FAT3: variants seen among roughly 807,000 people sequenced by gnomAD.
The protein encoded by FAT3 is protocadherin Fat 3.
Under a neutral mutation model 310.2 loss-of-function variants are expected in FAT3, and 95 were observed. That is an observed-to-expected ratio of 0.31 (90% CI 0.26 to 0.36). The LOEUF (loss-of-function observed/expected upper bound fraction) is 0.36, where lower values mean the gene tolerates loss of function less well. FAT3 is among the 10% of genes least tolerant of loss of function. The pLI is 1.00. For missense variants in FAT3, 5,408 were observed against 5,715.6 expected, an observed-to-expected ratio of 0.95 and a Z score of 1.74; for synonymous variants, 2,314 against 2,192.9, an observed-to-expected ratio of 1.06 and a Z score of -1.54.
At chr11:92,841,654 T>A (rs536404927) in intron 18 of FAT3, among the ~76,000 whole-genome samples, 1 of 152,318 alleles carries the variant, frequency 6.6e-6, no homozygotes, top group African/African-American at 2.4e-5. Context: ...TTCAGTGCCT[T>A]CTCACAGAAA....
At position 92,894,999 on chromosome 11, in the gene FAT3, G is replaced by A. The variant is rs1271687848; in HGVS notation, c.*3886G>A. The A allele has an allele frequency of 6.6e-6, 1 of 152,124 alleles. No individual in the cohort carries two copies. The highest frequency in any genetic ancestry group is 2.4e-5 in the African/African-American group (1 of 41,416). The allele number at this position is 152,124 out of a possible 1,614,324, so 9.4% of individuals were successfully genotyped here. ...ATCAAAGTCAGGGGAATTGAGAAAA[G>A]AGATTATCAAAATAAATTATTAAAA... On this transcript the variant is annotated 3_prime_UTR_variant, in exon 28 of 28. Transcript: ENST00000525166.
chr11:92,764,148 T>C (rs1329353601), intron 5 of FAT3, among the ~76,000 whole-genome samples: 1 of 152,092 alleles, frequency 6.6e-6, no homozygotes, highest in Non-Finnish European at 1.5e-5. Flanking sequence ...GGAGACTTGC[T>C]TCCTCAGCCC....
In FAT3 at chr11:92,566,769, G is replaced by C. The variant is rs1415422992; in HGVS notation, c.3607+41821G>C. Among the ~76,000 whole-genome samples the C allele has an allele frequency of 2.0e-5, 3 of 152,020 alleles. No homozygotes were observed. The East Asian group carries it at 5.8e-4, about 29-fold the overall frequency. On this transcript the variant is annotated intron_variant, in intron 3 of 27. Transcript: ENST00000525166. ...ACTATCTGATCTTTGACAAACCTGA[G>C]AAAAACAAGCAATGGGAAAGGATTC...
intron 14 of FAT3, 134 bp downstream of exon 14, chr11:92,832,145 A>G: frequency 4.1e-6 from 4 of 986,488 alleles, no homozygotes; most frequent in Non-Finnish European, 5.8e-6. Context: ...AGCCTGGACA[A>G]CAGAGTGAGA....
intron 2 of FAT3, among the ~76,000 whole-genome samples, chr11:92,436,230 CAT>C (rs1474749535): frequency 6.6e-6 from 1 of 152,130 alleles, no homozygotes; most frequent in Non-Finnish European, 1.5e-5. Flanking sequence ...GCCTTGACCT[CAT>C]GGGCTCAATC....
intron 1 of FAT3, among the ~76,000 whole-genome samples, chr11:92,319,023 C>T (rs1463328488): frequency 1.3e-5 from 2 of 152,098 alleles, no homozygotes; most frequent in Non-Finnish European, 2.9e-5. Context: ...GGAACCTTCT[C>T]GTGGGAGAGC....
chr11:92,805,361 G>C lies in FAT3; in HGVS notation c.9093+12G>C, dbSNP rs749663812. ...CAGTGTGTGATCAGGTGAGATTTGGGGATAGGGTTCTGCTTTTACTCTGCT... is the reference window on the plus strand; with the variant it reads ...CAGTGTGTGATCAGGTGAGATTTGGCGATAGGGTTCTGCTTTTACTCTGCT... On this transcript the variant is annotated intron_variant, in intron 11 of 27. Transcript: ENST00000525166. 5 of 1,606,874 alleles carry C rather than the reference G, an allele frequency of 3.1e-6. No individual in the cohort carries two copies. The highest frequency in any genetic ancestry group is 4.3e-6 in the Non-Finnish European group (5 of 1,175,676).
intron 4 of FAT3, among the ~76,000 whole-genome samples, chr11:92,699,712 T>TC (rs1165645653): frequency 1.3e-5 from 2 of 152,212 alleles, no homozygotes; most frequent in Non-Finnish European, 2.9e-5. Flanking sequence ...GTATCTGGTA[T>TC]CATCTGCAGA....
At chr11:92,381,318 A>G (rs1326833505) in intron 2 of FAT3, among the ~76,000 whole-genome samples, 1 of 152,146 alleles carries the variant, frequency 6.6e-6, no homozygotes, top group African/African-American at 2.4e-5. Context: ...GTTTGAGTCT[A>G]GCCTAGCCAA....
rs573856198 is a variant in FAT3 at position 92,770,690 on chromosome 11, G to C, written c.4196-3351G>C. 3.1e-4 allele frequency among the ~76,000 whole-genome samples: 47 copies of C among 152,208 alleles called. No individual in the cohort carries two copies. In the South Asian group the frequency reaches 5.6e-3, roughly 18 times the overall value. ...TGGAAAAGAATCATATGCTAGGGGA[G>C]GGACCTGGAAGCTCTCTAAAGGGGA... On this transcript the variant is annotated intron_variant, in intron 6 of 27. Coordinates refer to ENST00000525166, the MANE Select transcript of FAT3 (RefSeq NM_001367949.2).
chr11:92,514,633 A>G (rs1953414678), intron 2 of FAT3, among the ~76,000 whole-genome samples: 1 of 152,136 alleles, frequency 6.6e-6, no homozygotes, highest in African/African-American at 2.4e-5. Context: ...CCCACTCAGC[A>G]TGCACTTATG....
In FAT3 at chr11:92,800,946, G is replaced by A; in HGVS notation, c.7933G>A (p.Val2645Ile). The change falls in exon 10 of 28, where the codon GTT becomes ATT. Residue 2645 changes from valine (V) to isoleucine (I), a missense_variant. By Grantham distance (29) the Val-to-Ile change is conservative. Around this residue, in one of 5 missense-constraint regions of FAT3, gnomAD observed 4,588 missense variants for 4,809.8 expected, o/e 0.95. Transcript: ENST00000525166. ...TTATTCCCTCTATAGCGAGGCCTCT[G>A]TTTCAGTGGCCGACCTCCTGGAAAT... is the stretch of plus-strand genomic sequence containing the variant. Reference protein sequence around the residue: ...ITYSLYSEASVSVADLLEIDP... With the variant: ...ITYSLYSEASISVADLLEIDP... The A allele has an allele frequency of 6.2e-7, 1 of 1,613,040 alleles. No individual in the cohort carries two copies. Among genetic ancestry groups the A allele is most frequent in the Non-Finnish European group, 8.5e-7 (1 of 1,179,524 alleles).
intron 2 of FAT3, among the ~76,000 whole-genome samples, chr11:92,430,808 G>C (rs1171284576): frequency 1.3e-5 from 2 of 151,988 alleles, no homozygotes; most frequent in African/African-American, 4.8e-5. Flanking sequence ...ATGGTTTCCA[G>C]CCTCATCCAT....
chr11:92,865,302 C>T lies in FAT3; in HGVS notation c.11659-1439C>T, dbSNP rs147135277. Among the ~76,000 whole-genome samples the T allele has an allele frequency of 5.3e-5, 8 of 152,286 alleles. No homozygotes were observed. In the East Asian group the frequency reaches 1.4e-3, roughly 26 times the overall value. ...AGAATGAGAGATGCTCTGATAATCC[C>T]GAATAGGTCTATTATGAGTTAAACA... On this transcript the variant is annotated intron_variant, in intron 21 of 27. Transcript: ENST00000525166.
chr11:92,705,376 GTGT>G (rs1384169305), intron 4 of FAT3, among the ~76,000 whole-genome samples: 3 of 138,724 alleles, frequency 2.2e-5, no homozygotes, highest in Non-Finnish European at 3.2e-5. Context: ...GTTGGTGATG[GTGT>G]TGGTGGTGGT....
chr11:92,400,413 A>C (rs2134862075), intron 2 of FAT3: 1 of 152,304 alleles, frequency 6.6e-6, no homozygotes, highest in South Asian at 2.1e-4. Context: ...ACAGTCCTCA[A>C]AAAATAGACC....
At chr11:92,783,034 C>T (rs1370274018) in intron 7 of FAT3, among the ~76,000 whole-genome samples, 1 of 152,192 alleles carries the variant, frequency 6.6e-6, no homozygotes, top group Admixed American at 6.5e-5. Context: ...TCTTTCGTCT[C>T]CTTTTGTGTC....
chr11:92,623,811 C>A (rs758652699), intron 3 of FAT3, among the ~76,000 whole-genome samples: 11 of 151,956 alleles, frequency 7.2e-5, no homozygotes, highest in Non-Finnish European at 1.3e-4. Context: ...GGCATTGAGG[C>A]GGGTGCCTGT....
Position 92,882,735 on chromosome 11 carries a change from C to T in FAT3, c.12282-3C>T, listed in dbSNP as rs764609812. ...GTGGGGAGGGGCTTCTGTGTCGCCGCAGGTGTGAGGAGGACATCAATGAGT... is the reference window on the plus strand; with the variant it reads ...GTGGGGAGGGGCTTCTGTGTCGCCGTAGGTGTGAGGAGGACATCAATGAGT... On this transcript the variant is annotated splice_region_variant and splice_polypyrimidine_tract_variant and intron_variant, in intron 23 of 27. Transcript: ENST00000525166. The T allele has an allele frequency of 1.9e-6, 3 of 1,591,102 alleles. No homozygotes were observed. Among genetic ancestry groups the T allele is most frequent in the African/African-American group, 1.3e-5 (1 of 74,510 alleles).
Sources: allele counts gnomAD v4.1 joint callset (sites outside exome capture counted in the v4.1 genomes callset), GRCh38; gene constraint gnomAD v4.1.1; regional missense constraint gnomAD v4.1.1; transcripts MANE v1.5; gene names NCBI Gene and HGNC (gene_info 2026-07-23, HGNC 2026-07-21).